The following NSD1 variants were observed in gnomAD, a reference collection of about 807,000 sequenced individuals.
The protein encoded by NSD1 is nuclear receptor binding SET domain protein 1.
A neutral mutation model predicts 242.7 loss-of-function variants in NSD1; 26 were observed. That is an observed-to-expected ratio of 0.11 (90% CI 0.08 to 0.15). NSD1 has a LOEUF of 0.15. Among genes scored for constraint, NSD1 ranks in the 10% least tolerant of loss-of-function variants. The probability of loss-of-function intolerance (pLI) is 1.00; values close to 1 mark genes in which losing one functional copy is unlikely to be tolerated. For missense variants in NSD1, 2,495 were observed against 3,272.8 expected (o/e 0.76, Z 5.80); for synonymous variants, 1,106 against 1,178.1 (o/e 0.94, Z 1.25).
chr5:177,246,748 T>C lies in NSD1; in HGVS notation c.4449T>C (p.Cys1483=). Reference sequence around the variant, plus strand: ...GGCATGCTGCAGCCAAGATGCAGTGTAAAAAAGTGAAAAATGATGACTCGT... The same window carrying C: ...GGCATGCTGCAGCCAAGATGCAGTGCAAAAAAGTGAAAAATGATGACTCGT... The part of the protein sequence containing the change: ...RQRHAAAKMQ[C]KKVKNDDSSK... Residue 1483 remains cysteine (C), a synonymous_variant, in exon 10 of 23, where the codon TGT becomes TGC. Transcript: ENST00000439151. The C allele has an allele frequency of 1.9e-6, 3 of 1,614,106 alleles. No homozygotes were observed. Among genetic ancestry groups the C allele is most frequent in the Non-Finnish European group, 2.5e-6 (3 of 1,179,968 alleles).
At chr5:177,165,574 C>T (rs747714533) in intron 2 of NSD1, among the ~76,000 whole-genome samples, 2 of 151,996 alleles carry the variant, frequency 1.3e-5, no homozygotes, top group Admixed American at 1.3e-4. Context: ...CATTCTGTTT[C>T]TGTAGGCTCT....
intron 13 of NSD1, among the ~76,000 whole-genome samples, chr5:177,258,919 C>T (rs1250505207): frequency 6.6e-6 from 1 of 152,152 alleles, no homozygotes; most frequent in African/African-American, 2.4e-5. Context: ...ACTGCAATGT[C>T]CACCTCCCAG....
rs945393811 is a variant in NSD1, at chr5:177,246,935, G to C, written c.4497+139G>C. On this transcript the variant is annotated intron_variant, in intron 10 of 22. Transcript: ENST00000439151. Reference sequence around the variant, plus strand: ...CTGATGGCCATAAGGAATCTTGGAGGAAAAGTAGAGCCTTATCCTAATAAT... The same window carrying C: ...CTGATGGCCATAAGGAATCTTGGAGCAAAAGTAGAGCCTTATCCTAATAAT... 2.9e-5 allele frequency: 20 copies of C among 687,044 alleles called. No individual in the cohort carries two copies. In the African/African-American group the frequency reaches 3.3e-4, roughly 11 times the overall value. The allele number at this position is 687,044 out of a possible 1,614,324, so 42.6% of individuals were successfully genotyped here.
chr5:177,266,342 A>T, intron 14 of NSD1: 1 of 711,576 alleles, frequency 1.4e-6, no homozygotes, highest in South Asian at 1.4e-5. Context: ...GGAACACTCG[A>T]TGCCGATGAC....
chr5:177,204,049 GTGGCTGT>G (rs1762700085), intron 3 of NSD1, 64 bp from the exon 4 acceptor site: 2 of 1,404,048 alleles, frequency 1.4e-6, no homozygotes, highest in Non-Finnish European at 2.0e-6. Context: ...CGGCAATGAT[GTGGCTGT>G]TCTCTTAATG....
chr5:177,218,380 T>C (rs1763950772), intron 5 of NSD1, among the ~76,000 whole-genome samples: 1 of 152,106 alleles, frequency 6.6e-6, no homozygotes, highest in Non-Finnish European at 1.5e-5. Context: ...GTTTGTTGAG[T>C]GCTTTCTTTT....
At chr5:177,214,758 C>T (rs1581337392) in intron 5 of NSD1, among the ~76,000 whole-genome samples, 2 of 151,038 alleles carry the variant, frequency 1.3e-5, no homozygotes, top group South Asian at 2.1e-4. Flanking sequence ...TCCTCTGCCT[C>T]GTGGGTTCTC....
chr5:177,243,173 G>C (rs1766016338), intron 8 of NSD1, among the ~76,000 whole-genome samples: 1 of 151,984 alleles, frequency 6.6e-6, no homozygotes, highest in African/African-American at 2.4e-5. Context: ...AGGAAGATGG[G>C]TTATTTTTCT....
chr5:177,265,896 T>C, intron 14 of NSD1: 1 of 1,471,884 alleles, frequency 6.8e-7, no homozygotes, highest in Non-Finnish European at 9.5e-7. Context: ...GAGGTGAAGG[T>C]CAGGTCTTCC....
In NSD1 at chr5:177,269,522, T is replaced by C; in HGVS notation, c.5304-80T>C. The C allele has an allele frequency of 8.0e-7, 1 of 1,254,298 alleles. No homozygotes were observed. The highest frequency in any genetic ancestry group is 1.2e-6 in the Non-Finnish European group (1 of 864,402). The allele number at this position is 1,254,298 out of a possible 1,614,324, so 77.7% of individuals were successfully genotyped here. A position where few individuals can be genotyped will look rare whatever the true frequency, so the allele number is the denominator to read the frequency against. ...GTGGACAGACAGACATTGCTAATCC[T>C]TACTTTTATATGAGTAGGTTATTTT... On this transcript the variant is annotated intron_variant, in intron 15 of 22. Coordinates refer to ENST00000439151, the MANE Select transcript of NSD1 (RefSeq NM_022455.5). The surrounding 1 kb of genome is among the most constrained non-coding windows in gnomAD (Gnocchi z 5.1).
chr5:177,209,528 C>T (rs1407014054), intron 4 of NSD1, 108 bp from the exon 5 acceptor site: 12 of 579,698 alleles, frequency 2.1e-5, no homozygotes, highest in Non-Finnish European at 2.9e-5. Flanking sequence ...GACTCTGTCT[C>T]AAAAAAAAAA....
chr5:177,138,645 AT>A (rs1291002811), intron 2 of NSD1, among the ~76,000 whole-genome samples: 28 of 139,132 alleles, frequency 2.0e-4, no homozygotes, highest in Admixed American at 2.8e-4. Context: ...AACTGAAGAC[AT>A]TTTTTTTTTT....
intron 2 of NSD1, among the ~76,000 whole-genome samples, chr5:177,159,152 T>G (rs988936458): frequency 6.7e-6 from 1 of 150,344 alleles, no homozygotes; most frequent in Non-Finnish European, 1.5e-5. Context: ...AAGTGATTCT[T>G]GTACCTCAGC....
chr5:177,255,680 T>G (rs2149910351), intron 12 of NSD1, among the ~76,000 whole-genome samples: 1 of 152,244 alleles, frequency 6.6e-6, no homozygotes. Flanking sequence ...CCTCCCAGGT[T>G]CAAGAGATTC....
rs764714537 is a variant in NSD1, at chr5:177,256,940, TG to T, written c.4766-9del. On this transcript the variant is annotated splice_polypyrimidine_tract_variant and intron_variant, in intron 12 of 22. Transcript: ENST00000439151. The stretch of plus-strand genomic sequence containing the variant: ...GAATTCTTACTAATTTATCTTCTTT[TG>T]GCTTCTCAGGAATCCATACCTGTTT... 6.2e-7 allele frequency: 1 copy of T among 1,610,732 alleles called. No homozygotes were observed. Among genetic ancestry groups the T allele is most frequent in the South Asian group, 1.1e-5 (1 of 91,026 alleles).
chr5:177,258,487 A>G (rs1444210133), intron 13 of NSD1, among the ~76,000 whole-genome samples: 1 of 151,682 alleles, frequency 6.6e-6, no homozygotes, highest in Non-Finnish European at 1.5e-5. Context: ...AAGTTTTGAA[A>G]TGTGTTCTCT....
intron 5 of NSD1, among the ~76,000 whole-genome samples, chr5:177,215,427 C>T (rs1029080960): frequency 1.3e-5 from 2 of 151,426 alleles, no homozygotes; most frequent in Admixed American, 6.6e-5. Flanking sequence ...CTGCCTGCTT[C>T]GGCCTCCCAA....
intron 5 of NSD1, among the ~76,000 whole-genome samples, chr5:177,224,016 G>A (rs892092350): frequency 6.6e-6 from 1 of 152,106 alleles, no homozygotes; most frequent in African/African-American, 2.4e-5. Flanking sequence ...AAAATTGTAA[G>A]TGTTAGTTAC....
chr5:177,204,332 A>C (rs774988144), intron 4 of NSD1, 40 bp downstream of exon 4: 2 of 1,573,068 alleles, frequency 1.3e-6, no homozygotes, highest in African/African-American at 2.7e-5. Flanking sequence ...TGACAGAAGC[A>C]AGTAAGAAAA....
Sources: allele counts gnomAD v4.1 joint callset (sites outside exome capture counted in the v4.1 genomes callset), GRCh38; gene constraint gnomAD v4.1.1; non-coding constraint Gnocchi (gnomAD v3.1); transcripts MANE v1.5; gene names NCBI Gene and HGNC (gene_info 2026-07-23, HGNC 2026-07-21).